The following STXBP6 variants were observed in gnomAD, a reference collection of about 807,000 sequenced individuals.
STXBP6 encodes syntaxin-binding protein 6.
Under a neutral mutation model 26.9 loss-of-function variants are expected in STXBP6, and 21 were observed. That is an observed-to-expected ratio of 0.78 (90% CI 0.55 to 1.12). STXBP6 has a LOEUF of 1.12. STXBP6 is among the 50% of genes most tolerant of loss of function. STXBP6 has a pLI of 0.00. For missense variants in STXBP6, 232 were observed against 257.9 expected, an observed-to-expected ratio of 0.90 and a Z score of 0.69; for synonymous variants, 97 against 92.6, an observed-to-expected ratio of 1.05 and a Z score of -0.27.
intron 1 of STXBP6, among the ~76,000 whole-genome samples, chr14:25,044,023 T>G (rs965762746): frequency 5.3e-5 from 8 of 151,258 alleles, no homozygotes; most frequent in African/African-American, 1.9e-4. Flanking sequence ...TAAAAAAAAT[T>G]AACTGGAGGT....
chr14:24,845,684 TG>T (rs1197519333), intron 4 of STXBP6, among the ~76,000 whole-genome samples: 3 of 152,198 alleles, frequency 2.0e-5, no homozygotes, highest in African/African-American at 7.2e-5. Context: ...GGAAGAATAA[TG>T]GCTTCCCAAA....
intron 2 of STXBP6, among the ~76,000 whole-genome samples, chr14:24,907,977 C>T (rs116559687): frequency 5.8e-4 from 89 of 152,174 alleles, no homozygotes; most frequent in African/African-American, 1.9e-3. Flanking sequence ...AAATCTGTAT[C>T]TCACGCCCAC....
intron 4 of STXBP6, among the ~76,000 whole-genome samples, chr14:24,822,844 C>G (rs987483879): frequency 1.3e-5 from 2 of 152,178 alleles, no homozygotes; most frequent in South Asian, 2.1e-4. Context: ...ATATGTAGCA[C>G]AGCATGTTGC....
At chr14:24,911,044 G>A (rs2071553463) in intron 2 of STXBP6, among the ~76,000 whole-genome samples, 2 of 152,248 alleles carry the variant, frequency 1.3e-5, no homozygotes, top group South Asian at 2.1e-4. Flanking sequence ...AAGAAAACAG[G>A]CTAGGTGCAT....
chr14:25,002,089 G>A (rs1447637615), intron 1 of STXBP6, among the ~76,000 whole-genome samples: 7 of 152,188 alleles, frequency 4.6e-5, no homozygotes, highest in East Asian at 1.9e-4. Flanking sequence ...ATCAATTTAC[G>A]TATATCATAA....
chr14:25,009,864 AGAGT>A (rs2074991794), intron 1 of STXBP6, among the ~76,000 whole-genome samples: 1 of 152,226 alleles, frequency 6.6e-6, no homozygotes. Context: ...TACTTTTTCT[AGAGT>A]GAGTGGCACT....
chr14:24,975,388 C>A (rs994038954), intron 1 of STXBP6, among the ~76,000 whole-genome samples: 2 of 152,076 alleles, frequency 1.3e-5, no homozygotes, highest in Non-Finnish European at 2.9e-5. Flanking sequence ...AAATTAATAC[C>A]CTTCTTCTGC....
At chr14:25,020,939 C>T (rs548152569) in intron 1 of STXBP6, among the ~76,000 whole-genome samples, 3 of 152,316 alleles carry the variant, frequency 2.0e-5, no homozygotes, top group South Asian at 2.1e-4. Context: ...GAAAGCCATA[C>T]GCAGGCAGAT....
intron 2 of STXBP6, among the ~76,000 whole-genome samples, chr14:24,893,291 C>G (rs537525700): frequency 9.8e-5 from 15 of 152,300 alleles, no homozygotes; most frequent in Admixed American, 9.8e-4. Flanking sequence ...TCAAAGTATT[C>G]TGCATATATT....
At chr14:24,943,009 G>A (rs2072858621) in intron 2 of STXBP6, among the ~76,000 whole-genome samples, 1 of 152,208 alleles carries the variant, frequency 6.6e-6, no homozygotes, top group South Asian at 2.1e-4. Context: ...TCAGAAAGGT[G>A]AAATCCCTTC....
chr14:25,008,716 TA>T, intron 1 of STXBP6, among the ~76,000 whole-genome samples: 1 of 152,142 alleles, frequency 6.6e-6, no homozygotes, highest in Non-Finnish European at 1.5e-5. Flanking sequence ...AAAGTAATGG[TA>T]AAAGAGACTA....
At chr14:24,860,760 T>C (rs1372953923) in intron 2 of STXBP6, among the ~76,000 whole-genome samples, 2 of 151,662 alleles carry the variant, frequency 1.3e-5, no homozygotes, top group African/African-American at 2.4e-5. Context: ...TATGTGGCCA[T>C]TTCTCAAAAA....
chr14:25,015,647 T>C (rs150189072), intron 1 of STXBP6, among the ~76,000 whole-genome samples: 1 of 152,182 alleles, frequency 6.6e-6, no homozygotes, highest in Non-Finnish European at 1.5e-5. Flanking sequence ...TGTGCACCAA[T>C]GACTATTAAT....
chr14:25,038,831 G>GA (rs903006806), intron 1 of STXBP6, among the ~76,000 whole-genome samples: 23 of 150,130 alleles, frequency 1.5e-4, no homozygotes, highest in South Asian at 1.3e-3. Context: ...TTAAAAAAAA[G>GA]AAAAAAAAAT....
intron 2 of STXBP6, among the ~76,000 whole-genome samples, chr14:24,927,430 T>C (rs776475443): frequency 3.3e-5 from 5 of 152,220 alleles, no homozygotes; most frequent in Non-Finnish European, 5.9e-5. Flanking sequence ...AAAGCAACAA[T>C]ATTTTTGCAT....
At chr14:24,914,486 G>A (rs890923643) in intron 2 of STXBP6, among the ~76,000 whole-genome samples, 3 of 152,058 alleles carry the variant, frequency 2.0e-5, no homozygotes, top group African/African-American at 7.2e-5. Flanking sequence ...CTATAAACTT[G>A]TGACAATAAC....
intron 2 of STXBP6, among the ~76,000 whole-genome samples, chr14:24,870,646 A>T (rs2139328945): frequency 6.6e-6 from 1 of 152,354 alleles, no homozygotes; most frequent in East Asian, 1.9e-4. Context: ...CTTTCAGATT[A>T]TGACTACAGC....
At chr14:24,882,199 G>C (rs2070384463) in intron 2 of STXBP6, among the ~76,000 whole-genome samples, 1 of 150,570 alleles carries the variant, frequency 6.6e-6, no homozygotes. Context: ...CTAAAACGGT[G>C]AAACCCCGTC....
chr14:24,915,135 A>C (rs2071716544), intron 2 of STXBP6, among the ~76,000 whole-genome samples: 1 of 152,214 alleles, frequency 6.6e-6, no homozygotes, highest in Non-Finnish European at 1.5e-5. Context: ...TACACAGGTC[A>C]GACTTTGTGC....
Sources: allele counts gnomAD v4.1 joint callset (sites outside exome capture counted in the v4.1 genomes callset), GRCh38; gene constraint gnomAD v4.1.1; transcripts MANE v1.5; gene names NCBI Gene and HGNC (gene_info 2026-07-23, HGNC 2026-07-21).